PCDH11Y: variants seen among roughly 807,000 people sequenced by gnomAD.
PCDH11Y encodes the protein protocadherin-11 Y-linked.
For missense variants in PCDH11Y, 12 were observed against 224.8 expected (o/e 0.05, Z 6.05); for synonymous variants, 9 against 83.6 (o/e 0.11, Z 4.87).
At chrY:5,652,355 A>G in intron 4 of PCDH11Y, among the ~76,000 whole-genome samples, 1 of 33,329 alleles carries the variant, frequency 3.0e-5, no homozygotes, top group Non-Finnish European at 7.4e-5. Flanking sequence ...AATATAAATT[A>G]AATGTCTTTG....
intron 3 of PCDH11Y, among the ~76,000 whole-genome samples, chrY:5,576,686 A>G: frequency 3.0e-5 from 1 of 33,304 alleles, no homozygotes; most frequent in African/African-American, 1.2e-4. Flanking sequence ...AGTATTTTTC[A>G]ATAGGCATTA....
chrY:5,666,769 T>C (rs2053545041), intron 4 of PCDH11Y, among the ~76,000 whole-genome samples: 1 of 30,843 alleles, frequency 3.2e-5, no homozygotes, highest in Non-Finnish European at 7.7e-5. Flanking sequence ...TCTCCCTTCT[T>C]CTTCTTTTCT....
At chrY:5,270,032 A>G in intron 2 of PCDH11Y, among the ~76,000 whole-genome samples, 1 of 28,843 alleles carries the variant, frequency 3.5e-5, no homozygotes, top group South Asian at 8.4e-4. Context: ...GAACAGGACT[A>G]TTAAAGGCAC....
rs376402244 is a variant in PCDH11Y, at chrY:5,565,942, G to GTA, written c.3329-15814_3329-15813dup. ...TATAGATGTGTGTGTGTGTGTGTGT[G>GTA]TATATATATATATATATATAATATA... is the stretch of plus-strand genomic sequence containing the variant. On this transcript the variant is annotated intron_variant, in intron 3 of 4. Transcript: ENST00000400457. Among the ~76,000 whole-genome samples the GTA allele has an allele frequency of 2.0e-3, 36 of 18,107 alleles. No homozygotes were observed. The Middle Eastern group carries it at 0.083, about 42-fold the overall frequency. The allele number at this position is 18,107 out of a possible 37,273, so 48.6% of individuals were successfully genotyped here.
At chrY:5,653,528 T>C (rs2053533456) in intron 4 of PCDH11Y, among the ~76,000 whole-genome samples, 1 of 32,386 alleles carries the variant, frequency 3.1e-5, no homozygotes, top group African/African-American at 1.2e-4. Context: ...GAAGATCAAA[T>C]AAATGAAATG....
intron 2 of PCDH11Y, among the ~76,000 whole-genome samples, chrY:5,385,255 C>T: frequency 1.1e-4 from 3 of 27,557 alleles, no homozygotes; most frequent in Non-Finnish European, 2.5e-4. Flanking sequence ...TCCCAAGCAG[C>T]ATACATTGAA....
chrY:5,716,244 G>C (rs2053589930), intron 4 of PCDH11Y, among the ~76,000 whole-genome samples: 1 of 32,433 alleles, frequency 3.1e-5, no homozygotes, highest in African/African-American at 1.2e-4. Context: ...AGAGCAATCA[G>C]ACAAGAGAAA....
At chrY:5,340,646 G>T in intron 2 of PCDH11Y, among the ~76,000 whole-genome samples, 1 of 33,708 alleles carries the variant, frequency 3.0e-5, no homozygotes, top group Non-Finnish European at 7.3e-5. Flanking sequence ...GTTTTAGTTA[G>T]CTCAACACTT....
upstream of PCDH11Y, among the ~76,000 whole-genome samples, chrY:5,052,450 G>C: frequency 6.0e-5 from 2 of 33,413 alleles, no homozygotes; most frequent in Non-Finnish European, 1.5e-4. Context: ...AACATTAATT[G>C]TGTGGTTTGA....
intron 3 of PCDH11Y, among the ~76,000 whole-genome samples, chrY:5,514,704 A>C: frequency 3.0e-5 from 1 of 33,022 alleles, no homozygotes; most frequent in Admixed American, 2.8e-4. Context: ...TTGTGTAGAC[A>C]TGGCAGCACA....
chrY:5,714,248 C>G, intron 4 of PCDH11Y, among the ~76,000 whole-genome samples: 1 of 33,018 alleles, frequency 3.0e-5, no homozygotes, highest in South Asian at 6.8e-4. Flanking sequence ...AAACTGACCT[C>G]GTAACTTGTC....
intron 2 of PCDH11Y, among the ~76,000 whole-genome samples, chrY:5,134,705 A>ATGAT (rs2052837117): frequency 6.1e-5 from 2 of 32,739 alleles, no homozygotes; most frequent in Non-Finnish European, 1.5e-4. Context: ...CTTGGTCATG[A>ATGAT]TGATTGGTCT....
At chrY:5,455,863 G>A in intron 2 of PCDH11Y, among the ~76,000 whole-genome samples, 2 of 33,228 alleles carry the variant, frequency 6.0e-5, no homozygotes, top group African/African-American at 1.2e-4. Context: ...CCTCTCACCA[G>A]GCCCCACCTC....
At chrY:5,716,130 C>T (rs2124713539) in intron 4 of PCDH11Y, among the ~76,000 whole-genome samples, 6 of 32,826 alleles carry the variant, frequency 1.8e-4, no homozygotes, top group Middle Eastern at 0.015. Flanking sequence ...TAGTATATCA[C>T]GCTGAATAGT....
chrY:5,329,966 C>T (rs2053128239), intron 2 of PCDH11Y, among the ~76,000 whole-genome samples: 1 of 33,626 alleles, frequency 3.0e-5, no homozygotes, highest in African/African-American at 1.2e-4. Flanking sequence ...ATCCGAGTCA[C>T]GGCACCAAAT....
chrY:5,016,275 G>T, intron 1 of PCDH11Y, among the ~76,000 whole-genome samples: 1 of 33,106 alleles, frequency 3.0e-5, no homozygotes, highest in Non-Finnish European at 7.4e-5. Context: ...GAAGTGACTT[G>T]CCCAAGGTCA....
At chrY:5,692,953 A>G in intron 4 of PCDH11Y, among the ~76,000 whole-genome samples, 3 of 29,971 alleles carry the variant, frequency 1.0e-4, no homozygotes, top group Admixed American at 9.5e-4. Flanking sequence ...TCATAATTAT[A>G]AATATGTGCT....
At chrY:5,117,479 G>T in intron 2 of PCDH11Y, among the ~76,000 whole-genome samples, 1 of 33,051 alleles carries the variant, frequency 3.0e-5, no homozygotes, top group Admixed American at 2.8e-4. Flanking sequence ...AAGAGATTGA[G>T]ACAGGGAGAG....
Position 5,689,591 on chromosome Y carries a change from A to G in PCDH11Y, c.3353-47681A>G, listed in dbSNP as rs72617657. On this transcript the variant is annotated intron_variant, in intron 4 of 4. Coordinates refer to the PCDH11Y transcript ENST00000400457. ...ATAAATTACTTGATCATATTAGTCT[A>G]TTGAGCAACAGCTTGTAACCCCCGT... Among the ~76,000 whole-genome samples, 172 of 33,570 alleles carry G rather than the reference A, an allele frequency of 5.1e-3. No individual in the cohort carries two copies. In the East Asian group the frequency reaches 0.12, roughly 24 times the overall value. The allele number at this position is 33,570 out of a possible 37,273, so 90.1% of individuals were successfully genotyped here.
Sources: allele counts gnomAD v4.1 joint callset (sites outside exome capture counted in the v4.1 genomes callset), GRCh38; gene constraint gnomAD v4.1.1; transcripts MANE v1.5; gene names NCBI Gene and HGNC (gene_info 2026-07-23, HGNC 2026-07-21).